Variants in CCDC92 observed in about 807,000 individuals in gnomAD.
CCDC92 encodes the protein coiled-coil domain containing 92.
CCDC92 carries 12 observed loss-of-function variants against 24.9 expected under a neutral mutation model. The ratio of observed to expected loss-of-function variants is 0.48; its 90% CI spans 0.31 to 0.78. CCDC92 has a LOEUF of 0.78. CCDC92 is among the 30% of genes least tolerant of loss of function. The pLI, the probability that CCDC92 is intolerant of heterozygous loss-of-function variation, is 0.05. For missense variants in CCDC92, 399 were observed against 439.4 expected (o/e 0.91, Z 0.82); for synonymous variants, 193 against 196.3 (o/e 0.98, Z 0.14).
intron 4 of CCDC92, 113 bp downstream of exon 4, chr12:123,942,631 T>A (rs1162786980): frequency 1.2e-6 from 1 of 853,614 alleles, no homozygotes; most frequent in Non-Finnish European, 2.0e-6. Flanking sequence ...GCCACACGCA[T>A]AACTCTTCCC....
intron 1 of CCDC92, among the ~76,000 whole-genome samples, chr12:123,967,583 C>T (rs1309745228): frequency 6.6e-6 from 1 of 152,170 alleles, no homozygotes; most frequent in East Asian, 1.9e-4. Context: ...TAACCTCTTA[C>T]GTTCACTTAT....
intron 1 of CCDC92, among the ~76,000 whole-genome samples, chr12:123,961,413 G>A (rs1956269093): frequency 1.3e-5 from 2 of 152,192 alleles, no homozygotes; most frequent in Admixed American, 1.3e-4. Flanking sequence ...AGCATTTCTG[G>A]TGAAGTAAAT....
Position 123,937,428 on chromosome 12 carries a change from C to CTCTT in CCDC92, c.622_625dup (p.Ser209LysfsTer12). On this transcript the variant is annotated frameshift_variant, in exon 5 of 5. Transcript: ENST00000238156. LOFTEE classifies it high-confidence loss of function. This position sits in a 1 kb window ranked among gnomAD's most constrained non-coding sequence, Gnocchi z 8.4. ...TTCCGGGTGCAAGGGGGCTGAGAGGCTCTTTTTCATGCGGCGGCGAGGCGT... is the reference window on the plus strand; with the variant it reads ...TTCCGGGTGCAAGGGGGCTGAGAGGCTCTTTCTTTTTCATGCGGCGGCGAGGCGT... 6.2e-7 allele frequency: 1 copy of CTCTT among 1,613,820 alleles called. No homozygotes were observed. Among genetic ancestry groups the CTCTT allele is most frequent in the South Asian group, 1.1e-5 (1 of 91,060 alleles).
intron 4 of CCDC92, among the ~76,000 whole-genome samples, chr12:123,938,390 A>C (rs966989224): frequency 6.6e-6 from 1 of 152,052 alleles, no homozygotes; most frequent in Non-Finnish European, 1.5e-5. Flanking sequence ...TCCTGCTCAG[A>C]GAGTGAGCTG....
At chr12:123,945,261 G>C (rs1034671016) in intron 1 of CCDC92, 3 of 152,202 alleles carry the variant, frequency 2.0e-5, no homozygotes, top group African/African-American at 7.2e-5. Context: ...TTCCTCAGTG[G>C]AGCCGTGAGC....
chr12:123,959,626 G>A (rs995147264), intron 1 of CCDC92, among the ~76,000 whole-genome samples: 12 of 152,132 alleles, frequency 7.9e-5, no homozygotes, highest in African/African-American at 2.4e-4. Flanking sequence ...GCTTATAGAT[G>A]ATCACTTAAT....
chr12:123,968,412 G>C (rs889155696), intron 1 of CCDC92: 1 of 152,190 alleles, frequency 6.6e-6, no homozygotes, highest in African/African-American at 2.4e-5. Context: ...CTTTAACCTT[G>C]AAAATGCTGC....
chr12:123,939,958 C>T (rs938437127), intron 4 of CCDC92, among the ~76,000 whole-genome samples: 5 of 152,240 alleles, frequency 3.3e-5, no homozygotes, highest in Admixed American at 2.0e-4. Flanking sequence ...AGCCCACACT[C>T]GGGTGGACAG....
chr12:123,944,631 T>G, intron 1 of CCDC92: 1 of 267,328 alleles, frequency 3.7e-6, no homozygotes. Context: ...ACACTAGCTC[T>G]GGAGCTAGGA....
intron 4 of CCDC92, 117 bp downstream of exon 4, chr12:123,942,627 C>CTTAT: frequency 1.2e-6 from 1 of 828,312 alleles, no homozygotes; most frequent in Non-Finnish European, 2.1e-6. Context: ...TCAGGCCACA[C>CTTAT]GCATAACTCT....
In CCDC92 at chr12:123,937,812, C is replaced by T; in HGVS notation, c.242G>A (p.Ser81Asn). 1.2e-6 allele frequency: 2 copies of T among 1,609,438 alleles called. No individual in the cohort carries two copies. Among genetic ancestry groups the T allele is most frequent in the South Asian group, 1.1e-5 (1 of 90,884 alleles). The stretch of plus-strand genomic sequence containing the variant: ...TTCACATCTTTTCTTTAATTCACTG[C>T]TTTTAGAAGTCCCGTCTCCTACAAG... ...SEQTGDGTSK[S>N]SELKKRCEEL... is the part of the protein sequence containing the mutation. Residue 81 changes from serine to asparagine, a missense_variant, in exon 5 of 5, where the codon AGC (serine) becomes AAC (asparagine). Coordinates refer to ENST00000238156, the MANE Select transcript of CCDC92 (RefSeq NM_025140.3). The surrounding 1 kb of genome is among the most constrained non-coding windows in gnomAD (Gnocchi z 8.4).
intron 1 of CCDC92, chr12:123,945,565 G>A (rs757654147): frequency 6.6e-6 from 1 of 152,246 alleles, no homozygotes. Context: ...AAAGCAGAAC[G>A]CTTGAAAGCG....
At chr12:123,940,835 C>T (rs1345029644) in intron 4 of CCDC92, among the ~76,000 whole-genome samples, 2 of 135,412 alleles carry the variant, frequency 1.5e-5, no homozygotes, top group Non-Finnish European at 3.3e-5. Flanking sequence ...TATGCTGTAC[C>T]CTGGGTCCCG....
At chr12:123,966,926 A>G (rs1184766725) in intron 1 of CCDC92, among the ~76,000 whole-genome samples, 1 of 152,134 alleles carries the variant, frequency 6.6e-6, no homozygotes, top group Admixed American at 6.5e-5. Flanking sequence ...CCTATCTCCA[A>G]GGTCTCAAGT....
intron 1 of CCDC92, among the ~76,000 whole-genome samples, chr12:123,949,982 T>C (rs1320827372): frequency 6.6e-6 from 1 of 152,254 alleles, no homozygotes; most frequent in Non-Finnish European, 1.5e-5. Context: ...ATTCTATCCA[T>C]GGACCACCTG....
intron 1 of CCDC92, among the ~76,000 whole-genome samples, chr12:123,961,876 T>G (rs1375398469): frequency 2.0e-5 from 3 of 152,206 alleles, no homozygotes; most frequent in African/African-American, 7.2e-5. Flanking sequence ...ACCTAGTAAG[T>G]GGCAGAGGTG....
Position 123,935,691 on chromosome 12 carries a change from T to C in CCDC92, c.*1367A>G, listed in dbSNP as rs3087928. ...TACTTTTTAAAAGGAATTTATATAA[T>C]CAAAAAGTAAATATTGGAGAGTATT... On this transcript the variant is annotated 3_prime_UTR_variant, in exon 5 of 5. Transcript: ENST00000238156. 4.2e-6 allele frequency: 2 copies of C among 471,140 alleles called. No homozygotes were observed. Among genetic ancestry groups the C allele is most frequent in the Non-Finnish European group, 7.3e-6 (2 of 275,066 alleles). The allele number at this position is 471,140 out of a possible 1,614,324, so 29.2% of individuals were successfully genotyped here.
At chr12:123,961,645 C>T (rs1956274126) in intron 1 of CCDC92, among the ~76,000 whole-genome samples, 1 of 152,140 alleles carries the variant, frequency 6.6e-6, no homozygotes, top group Non-Finnish European at 1.5e-5. Context: ...GGAGTTTAGT[C>T]CGGCAGGGAC....
intron 1 of CCDC92, among the ~76,000 whole-genome samples, chr12:123,953,361 G>T (rs1956073015): frequency 6.6e-6 from 1 of 152,036 alleles, no homozygotes. Flanking sequence ...AAATAGTGTA[G>T]ATCTATATTT....
Sources: gnomAD v4.1 joint callset for allele counts (sites outside exome capture counted in the v4.1 genomes callset) on GRCh38, gnomAD v4.1.1 for gene constraint, Gnocchi (gnomAD v3.1) non-coding constraint, MANE v1.5 for transcripts, NCBI Gene and HGNC (gene_info 2026-07-23, HGNC 2026-07-21) for gene names.